The following IL6R variants were observed in gnomAD, a reference collection of about 807,000 sequenced individuals.
IL6R encodes interleukin 6 receptor.
In IL6R, 38 loss-of-function variants were observed where a neutral mutation model predicts 48.3. That is an observed-to-expected ratio of 0.79 (90% CI 0.61 to 1.03). IL6R has a LOEUF of 1.03. IL6R is among the 50% of genes least tolerant of loss of function. The pLI is 0.00. For missense variants in IL6R, 534 were observed against 618.3 expected (o/e 0.86, Z 1.45); for synonymous variants, 264 against 256.2 (o/e 1.03, Z -0.29).
chr1:154,422,521 G>A (rs1688729348), intron 1 of IL6R, among the ~76,000 whole-genome samples: 1 of 152,188 alleles, frequency 6.6e-6, no homozygotes, highest in Non-Finnish European at 1.5e-5. Context: ...CATTGTAGAT[G>A]CTCAGTAGCT....
chr1:154,442,388 C>A (rs534770923), intron 6 of IL6R, among the ~76,000 whole-genome samples: 1 of 152,096 alleles, frequency 6.6e-6, no homozygotes, highest in South Asian at 2.1e-4. Context: ...TACAAAGGCA[C>A]GGAGCTGTGA....
chr1:154,405,651 C>A lies in IL6R; in HGVS notation c.22C>A (p.Leu8Met). 2 of 1,533,748 alleles carry A rather than the reference C, an allele frequency of 1.3e-6. No homozygotes were observed. The highest frequency in any genetic ancestry group is 1.7e-6 in the Non-Finnish European group (2 of 1,147,594). The change falls in exon 1 of 10, where the codon CTG becomes ATG. Residue 8 changes from leucine (L) to methionine (M), a missense_variant. Leu to Met is a conservative substitution (Grantham distance 15, BLOSUM62 2). Coordinates refer to ENST00000368485, the MANE Select transcript of IL6R (RefSeq NM_000565.4). This position sits in a 1 kb window ranked among gnomAD's most constrained non-coding sequence, Gnocchi z 5.2. MLAVGCA[L>M]LAALLAAPGA... is the part of the protein sequence containing the mutation. ...AAGCATGCTGGCCGTCGGCTGCGCGCTGCTGGCTGCCCTGCTGGCCGCGCC... is the reference window on the plus strand; with the variant it reads ...AAGCATGCTGGCCGTCGGCTGCGCGATGCTGGCTGCCCTGCTGGCCGCGCC...
intron 1 of IL6R, chr1:154,415,182 G>T: frequency 1.4e-6 from 1 of 704,600 alleles, no homozygotes. Context: ...CAGGGGCCCG[G>T]AGCTCAAGGC....
intron 1 of IL6R, among the ~76,000 whole-genome samples, chr1:154,413,250 T>A (rs1326686834): frequency 2.0e-5 from 3 of 152,250 alleles, no homozygotes; most frequent in Non-Finnish European, 4.4e-5. Flanking sequence ...TCCACCCACC[T>A]TGGCCTCCCA....
chr1:154,426,769 C>T lies in IL6R; in HGVS notation c.86-2427C>T, dbSNP rs143382331. ...TCAGTATTATGTAATACATTAAAAA[C>T]AATGTTCGCAATGCTAAAAATATAT... On this transcript the variant is annotated intron_variant, in intron 1 of 9. Transcript: ENST00000368485. 2.1e-3 allele frequency among the ~76,000 whole-genome samples: 313 copies of T among 152,138 alleles called. 1 individual carries two copies. Among genetic ancestry groups the T allele is most frequent in the African/African-American group, 7.3e-3 (304 of 41,504 alleles).
rs772247141 is a variant in IL6R at position 154,469,038 on chromosome 1, GCCT to G, written c.*3662_*3664del. ...AGGCCCTCCTCAGTGCCCTGTGAAG[GCCT>G]CCTGTCCTCCGTGCGGCTGGGCACC... On this transcript the variant is annotated 3_prime_UTR_variant, in exon 10 of 10. Coordinates refer to ENST00000368485, the MANE Select transcript of IL6R (RefSeq NM_000565.4). 11 of 152,364 alleles carry G rather than the reference GCCT, an allele frequency of 7.2e-5. No individual in the cohort carries two copies. In the East Asian group the frequency reaches 1.7e-3, roughly 24 times the overall value. The allele number at this position is 152,364 out of a possible 1,614,324, so 9.4% of individuals were successfully genotyped here.
chr1:154,413,615 C>G (rs890134809), intron 1 of IL6R, among the ~76,000 whole-genome samples: 1 of 152,156 alleles, frequency 6.6e-6, no homozygotes, highest in Admixed American at 6.5e-5. Context: ...TTTATCTTAT[C>G]TGAATAAGAT....
chr1:154,425,895 T>C (rs983904924), intron 1 of IL6R, among the ~76,000 whole-genome samples: 2 of 151,476 alleles, frequency 1.3e-5, no homozygotes, highest in Non-Finnish European at 2.9e-5. Context: ...GCCTGGGCAA[T>C]ATATTGAGAA....
At chr1:154,437,569 A>G (rs1484369639) in intron 6 of IL6R, 5 of 387,688 alleles carry the variant, frequency 1.3e-5, no homozygotes, top group Admixed American at 6.2e-5. Flanking sequence ...GTGTGCCACA[A>G]TGCTAATTTT....
At chr1:154,419,382 AC>A (rs1474589473) in intron 1 of IL6R, among the ~76,000 whole-genome samples, 1 of 152,186 alleles carries the variant, frequency 6.6e-6, no homozygotes, top group African/African-American at 2.4e-5. Context: ...CCCTCGTGGG[AC>A]CAAATTCTAT....
chr1:154,413,616 T>C (rs1252536435), intron 1 of IL6R, among the ~76,000 whole-genome samples: 1 of 152,228 alleles, frequency 6.6e-6, no homozygotes, highest in Non-Finnish European at 1.5e-5. Flanking sequence ...TTATCTTATC[T>C]GAATAAGATT....
intron 1 of IL6R, among the ~76,000 whole-genome samples, chr1:154,416,701 G>A (rs1054932075): frequency 2.0e-5 from 3 of 152,106 alleles, no homozygotes; most frequent in Non-Finnish European, 4.4e-5. Flanking sequence ...TGGGGGAGCG[G>A]AGGGGGTGGG....
intron 9 of IL6R, among the ~76,000 whole-genome samples, chr1:154,461,796 T>G (rs1216257914): frequency 1.3e-5 from 2 of 151,936 alleles, no homozygotes; most frequent in African/African-American, 2.4e-5. Flanking sequence ...GGGGCTAGGG[T>G]TGTAAAAATG....
Position 154,450,966 on chromosome 1 carries a change from T to C in IL6R, c.1066+986T>C, listed in dbSNP as rs575923076. 1.1e-3 allele frequency among the ~76,000 whole-genome samples: 174 copies of C among 152,264 alleles called. 1 individual carries two copies. Among genetic ancestry groups the C allele is most frequent in the Admixed American group, 2.1e-3 (32 of 15,292 alleles). On this transcript the variant is annotated intron_variant, in intron 8 of 9. Transcript: ENST00000368485. Reference sequence around the variant, plus strand: ...ATACCTGGGGCTGAGCTCTGCACAGTTGGGGACTCGGAGAGGATTAGAGCC... The same window carrying C: ...ATACCTGGGGCTGAGCTCTGCACAGCTGGGGACTCGGAGAGGATTAGAGCC...
At chr1:154,427,319 C>A (rs1689031435) in intron 1 of IL6R, among the ~76,000 whole-genome samples, 1 of 152,182 alleles carries the variant, frequency 6.6e-6, no homozygotes, top group East Asian at 1.9e-4. Flanking sequence ...GGATGCCTGA[C>A]TGTGTCTTCC....
intron 3 of IL6R, among the ~76,000 whole-genome samples, chr1:154,431,819 A>G (rs1262506545): frequency 6.6e-6 from 1 of 152,226 alleles, no homozygotes; most frequent in African/African-American, 2.4e-5. Flanking sequence ...TAGCATGCAC[A>G]GCGCAGGAAT....
intron 1 of IL6R, among the ~76,000 whole-genome samples, chr1:154,419,913 C>T (rs1688554386): frequency 6.6e-6 from 1 of 152,190 alleles, no homozygotes; most frequent in Non-Finnish European, 1.5e-5. Context: ...AGGAACCCCA[C>T]TTTCCCAGAG....
intron 6 of IL6R, among the ~76,000 whole-genome samples, chr1:154,446,956 A>G (rs1433311133): frequency 6.6e-6 from 1 of 152,138 alleles, no homozygotes; most frequent in Non-Finnish European, 1.5e-5. Flanking sequence ...TTCATACAGC[A>G]TTATGTCATG....
At position 154,436,128 on chromosome 1, in the gene IL6R, GAGAA is replaced by G; in HGVS notation, c.949+21_949+24del. The G allele has an allele frequency of 6.3e-7, 1 of 1,581,038 alleles. No individual in the cohort carries two copies. Among genetic ancestry groups the G allele is most frequent in the Non-Finnish European group, 8.6e-7 (1 of 1,156,830 alleles). On this transcript the variant is annotated intron_variant, in intron 6 of 9. Transcript: ENST00000368485. ...TTGGACAGGTACTGCGGTGGGCACT[GAGAA>G]AGGAAGGGATGTTTCAACTGTCATT... is the stretch of plus-strand genomic sequence containing the variant.
Sources: allele counts gnomAD v4.1 joint callset (sites outside exome capture counted in the v4.1 genomes callset), GRCh38; gene constraint gnomAD v4.1.1; non-coding constraint Gnocchi (gnomAD v3.1); transcripts MANE v1.5; gene names NCBI Gene and HGNC (gene_info 2026-07-23, HGNC 2026-07-21).